The following STOM variants were observed in gnomAD, a reference collection of about 807,000 sequenced individuals.
The protein encoded by STOM is erythrocyte band 7 integral membrane protein.
STOM carries 25 observed loss-of-function variants against 30.6 expected under a neutral mutation model. The ratio of observed to expected loss-of-function variants is 0.82; its 90% CI spans 0.60 to 1.14. The LOEUF (loss-of-function observed/expected upper bound fraction) is 1.14. STOM is among the 50% of genes most tolerant of loss of function. STOM has a pLI of 0.00. For missense variants in STOM, 292 were observed against 365.2 expected (o/e 0.80, Z 1.63); for synonymous variants, 118 against 130.8 (o/e 0.90, Z 0.67).
intron 4 of STOM, among the ~76,000 whole-genome samples, chr9:121,351,325 T>C (rs2064337256): frequency 6.6e-6 from 1 of 152,268 alleles, no homozygotes; most frequent in South Asian, 2.1e-4. Context: ...CTTGTTCTTA[T>C]GAGTAAAATG....
At position 121,353,238 on chromosome 9, in the gene STOM, A is replaced by C. The variant is rs1425413401; in HGVS notation, c.303T>G (p.Phe101Leu). 2 of 1,610,190 alleles carry C rather than the reference A, an allele frequency of 1.2e-6. No homozygotes were observed. The highest frequency in any genetic ancestry group is 1.7e-6 in the Non-Finnish European group (2 of 1,178,296). The change falls in exon 4 of 7, where the codon TTT becomes TTG. Residue 101 changes from phenylalanine (F) to leucine (L), a missense_variant. Phe to Leu is a conservative substitution (Grantham distance 22). Coordinates refer to ENST00000286713, the MANE Select transcript of STOM (RefSeq NM_004099.6). ...ACCTTACCTCCTGAGGAGGAATATC[A>C]AATGAAATAGTTCTCATGTCCACTT... ...FIKVDMRTISFDIPPQEILTK... is the reference protein window; with the variant it reads ...FIKVDMRTISLDIPPQEILTK...
Position 121,348,130 on chromosome 9 carries a change from G to A in STOM, c.545C>T (p.Thr182Ile). ...CTCCACCTTTATTCCCCAGGCATCA[G>A]TGGCATCATCCAGAGTAGACTGTTA... ...HNMQSTLDDATDAWGIKVERV... is the reference protein window; with the variant it reads ...HNMQSTLDDAIDAWGIKVERV... The change falls in exon 6 of 7, where the codon ACT becomes ATT. Residue 182 changes from threonine (T) to isoleucine (I), a missense_variant. Physicochemically the swap from Thr to Ile is moderately conservative, Grantham distance 89 (BLOSUM62 -1). Transcript: ENST00000286713. 1 of 1,614,198 alleles carries A rather than the reference G, an allele frequency of 6.2e-7. No individual in the cohort carries two copies. The highest frequency in any genetic ancestry group is 8.5e-7 in the Non-Finnish European group (1 of 1,180,026).
At chr9:121,342,411 A>T (rs1207161878) in intron 6 of STOM, among the ~76,000 whole-genome samples, 1 of 152,082 alleles carries the variant, frequency 6.6e-6, no homozygotes, top group South Asian at 2.1e-4. Flanking sequence ...AGAAATTCTG[A>T]AATGTTTGTA....
Position 121,340,107 on chromosome 9 carries a change from A to G in STOM, c.*1095T>C. On this transcript the variant is annotated 3_prime_UTR_variant, in exon 7 of 7. Coordinates refer to ENST00000286713, the MANE Select transcript of STOM (RefSeq NM_004099.6). Reference sequence around the variant, plus strand: ...AGAGAAAATTTTATTAAAAAATTAAAACTATTTAAAACCTGATATATGAAA... The same window carrying G: ...AGAGAAAATTTTATTAAAAAATTAAGACTATTTAAAACCTGATATATGAAA... 1 of 979,870 alleles carries G rather than the reference A, an allele frequency of 1.0e-6. No homozygotes were observed. The highest frequency in any genetic ancestry group is 1.2e-6 in the Non-Finnish European group (1 of 824,826). 60.7% of individuals were successfully genotyped at this position (979,870 alleles called of 1,614,324 possible). A position where few individuals can be genotyped will look rare whatever the true frequency, so the allele number is the denominator to read the frequency against.
At chr9:121,355,123 G>T (rs908571900) in intron 2 of STOM, among the ~76,000 whole-genome samples, 1 of 151,432 alleles carries the variant, frequency 6.6e-6, no homozygotes, top group Non-Finnish European at 1.5e-5. Context: ...TCCGGGTATG[G>T]TGGTGGGTGC....
intron 2 of STOM, among the ~76,000 whole-genome samples, chr9:121,355,581 G>C (rs2064380993): frequency 6.6e-6 from 1 of 152,080 alleles, no homozygotes; most frequent in South Asian, 2.1e-4. Flanking sequence ...AAAATAACGA[G>C]CACTGAGGGT....
chr9:121,346,418 T>C (rs987177989), intron 6 of STOM, among the ~76,000 whole-genome samples: 2 of 152,236 alleles, frequency 1.3e-5, no homozygotes, highest in African/African-American at 4.8e-5. Flanking sequence ...AGCATGGGAA[T>C]AGCAGGATGG....
Position 121,341,184 on chromosome 9 carries a change from C to A in STOM, c.*18G>T, listed in dbSNP as rs373876367. On this transcript the variant is annotated 3_prime_UTR_variant, in exon 7 of 7. Transcript: ENST00000286713. Reference sequence around the variant, plus strand: ...GGTCCCCGACTTCATGCTTGGAAGGCTAGCGCTCATCTCTACACTAGCCTA... The same window carrying A: ...GGTCCCCGACTTCATGCTTGGAAGGATAGCGCTCATCTCTACACTAGCCTA... 301 of 1,613,948 alleles carry A rather than the reference C, an allele frequency of 1.9e-4. No homozygotes were observed. Among genetic ancestry groups the A allele is most frequent in the Non-Finnish European group, 2.3e-4 (272 of 1,179,980 alleles).
At chr9:121,357,424 G>GATATTGATATATAT (rs1554831050) in intron 1 of STOM, among the ~76,000 whole-genome samples, 4 of 95,414 alleles carry the variant, frequency 4.2e-5, no homozygotes, top group African/African-American at 1.3e-4. Flanking sequence ...ATTTTTAAAT[G>GATATTGATATATAT]ATATATATAT....
intron 1 of STOM, among the ~76,000 whole-genome samples, chr9:121,366,957 C>T (rs1233493954): frequency 2.0e-5 from 3 of 151,450 alleles, no homozygotes; most frequent in Admixed American, 2.0e-4. Flanking sequence ...TGTGGTGGTG[C>T]ATACCTGTAG....
intron 1 of STOM, among the ~76,000 whole-genome samples, chr9:121,361,325 C>T (rs1358347747): frequency 6.7e-6 from 1 of 150,286 alleles, no homozygotes; most frequent in African/African-American, 2.4e-5. Context: ...ATCCTTCCTA[C>T]CAGTTTTATG....
rs75188784 is a variant in STOM, at chr9:121,369,026, A to G, written c.61+1101T>C. On this transcript the variant is annotated intron_variant, in intron 1 of 6. Transcript: ENST00000286713. The stretch of plus-strand genomic sequence containing the variant: ...TTATTCTCATCAACTCCTCCCTGTT[A>G]CACTCTCCATTTGGGAAGATAACCT... Among the ~76,000 whole-genome samples, 607 of 152,194 alleles carry G rather than the reference A, an allele frequency of 4.0e-3. 2 individuals are homozygous for G. The highest frequency in any genetic ancestry group is 0.013 in the African/African-American group (555 of 41,524).
chr9:121,349,093 G>T, intron 5 of STOM, 27 bp downstream of exon 5: 1 of 1,608,560 alleles, frequency 6.2e-7, no homozygotes, highest in Non-Finnish European at 8.5e-7. Flanking sequence ...AGCTTCTGGG[G>T]GGTAACAGCA....
At chr9:121,357,769 A>G (rs550502670) in intron 1 of STOM, among the ~76,000 whole-genome samples, 1 of 152,126 alleles carries the variant, frequency 6.6e-6, no homozygotes, top group East Asian at 1.9e-4. Flanking sequence ...AAATAAATAA[A>G]TAAAATGTGT....
chr9:121,361,528 A>G (rs2064452422), intron 1 of STOM, among the ~76,000 whole-genome samples: 1 of 151,740 alleles, frequency 6.6e-6, no homozygotes, highest in African/African-American at 2.4e-5. Flanking sequence ...AGCTGGGACT[A>G]CAGGTGCCCA....
At chr9:121,365,200 A>T (rs1414977840) in intron 1 of STOM, among the ~76,000 whole-genome samples, 4 of 152,062 alleles carry the variant, frequency 2.6e-5, no homozygotes, top group Non-Finnish European at 4.4e-5. Flanking sequence ...GGATCCTGGG[A>T]TACAGTACAG....
At chr9:121,347,082 C>G (rs2064296039) in intron 6 of STOM, among the ~76,000 whole-genome samples, 1 of 152,210 alleles carries the variant, frequency 6.6e-6, no homozygotes, top group Admixed American at 6.5e-5. Context: ...ACCAAAAAGA[C>G]TGTCTCTTCT....
At chr9:121,349,920 G>A (rs2064324068) in intron 4 of STOM, among the ~76,000 whole-genome samples, 1 of 152,204 alleles carries the variant, frequency 6.6e-6, no homozygotes, top group Admixed American at 6.5e-5. Flanking sequence ...GAGGCTCCAG[G>A]AAAATAGTTA....
At chr9:121,354,505 A>T in intron 3 of STOM, 96 bp downstream of exon 3, 11 of 986,276 alleles carry the variant, frequency 1.1e-5, no homozygotes, top group Admixed American at 2.5e-5. Flanking sequence ...GGGCGACGGA[A>T]TGAAACCCTG....
Sources: allele counts gnomAD v4.1 joint callset (sites outside exome capture counted in the v4.1 genomes callset), GRCh38; gene constraint gnomAD v4.1.1; transcripts MANE v1.5; gene names NCBI Gene and HGNC (gene_info 2026-07-23, HGNC 2026-07-21).